The following CDHR3 variants were observed in gnomAD, a reference collection of about 807,000 sequenced individuals.
CDHR3 encodes cadherin related family member 3.
A neutral mutation model predicts 86.6 loss-of-function variants in CDHR3; 79 were observed. That is an observed-to-expected ratio of 0.91 (90% CI 0.76 to 1.10). The LOEUF (loss-of-function observed/expected upper bound fraction) is 1.10, where lower values mean the gene tolerates loss of function less well. Ranked by LOEUF, CDHR3 falls within the 50% of genes least tolerant of loss-of-function variation. CDHR3 has a pLI of 0.00. For missense variants in CDHR3, 1,081 were observed against 1,077.6 expected (o/e 1.00, Z -0.04); for synonymous variants, 421 against 402.4 (o/e 1.05, Z -0.55).
intron 1 of CDHR3, 58 bp from the exon 2 acceptor site, chr7:105,974,786 C>T: frequency 7.0e-7 from 1 of 1,419,982 alleles, no homozygotes; most frequent in Non-Finnish European, 9.9e-7. Flanking sequence ...CTGTTAAGTC[C>T]CTGTTCCCAG....
intron 1 of CDHR3, among the ~76,000 whole-genome samples, chr7:105,968,653 C>A (rs771344413): frequency 6.6e-6 from 1 of 152,030 alleles, no homozygotes; most frequent in African/African-American, 2.4e-5. Flanking sequence ...AGCCACTGTG[C>A]CTGGCCGAGC....
At chr7:106,022,497 A>G (rs370349277) in intron 14 of CDHR3, 49 bp downstream of exon 14, 1 of 1,588,200 alleles carries the variant, frequency 6.3e-7, no homozygotes, top group Non-Finnish European at 8.6e-7. Flanking sequence ...CTTGTGAGTT[A>G]TGTTGATGGA....
At chr7:106,021,577 G>T (rs1836579385) in intron 13 of CDHR3, among the ~76,000 whole-genome samples, 2 of 152,220 alleles carry the variant, frequency 1.3e-5, no homozygotes, top group African/African-American at 4.8e-5. Flanking sequence ...TCTGCCCCAG[G>T]CTCCCTGAGC....
intron 1 of CDHR3, among the ~76,000 whole-genome samples, chr7:105,967,585 T>C (rs1454468843): frequency 6.6e-6 from 1 of 152,214 alleles, no homozygotes; most frequent in African/African-American, 2.4e-5. Flanking sequence ...CGTAAAAGCG[T>C]TCCTATTTCT....
intron 1 of CDHR3, among the ~76,000 whole-genome samples, chr7:105,967,959 A>G (rs1827244947): frequency 6.6e-6 from 1 of 152,160 alleles, no homozygotes; most frequent in South Asian, 2.1e-4. Flanking sequence ...CTTTAGTTTA[A>G]TTAGAACCGA....
intron 1 of CDHR3, among the ~76,000 whole-genome samples, chr7:105,969,814 T>G (rs1827660404): frequency 6.6e-6 from 1 of 152,198 alleles, no homozygotes; most frequent in Admixed American, 6.5e-5. Context: ...TTTTCTGTAA[T>G]AAAACTGTAG....
rs115422559 is a variant in CDHR3, at chr7:105,972,739, G to A, written c.47-2105G>A. ...TATAATATCAAAGTCAATTGTAATA[G>A]ATTTTTAAAAATCTATTCATATTCG... On this transcript the variant is annotated intron_variant, in intron 1 of 18. Transcript: ENST00000317716. Among the ~76,000 whole-genome samples the A allele has an allele frequency of 4.4e-3, 672 of 152,198 alleles. 9 individuals are homozygous for A. The highest frequency in any genetic ancestry group is 0.016 in the African/African-American group (647 of 41,502).
At chr7:105,986,966 C>CTATAA (rs1006284204) in intron 4 of CDHR3, among the ~76,000 whole-genome samples, 3 of 152,174 alleles carry the variant, frequency 2.0e-5, no homozygotes, top group Non-Finnish European at 2.9e-5. Context: ...ATGACAATTA[C>CTATAA]TATAACGTTT....
chr7:105,974,106 G>A (rs1439887874), intron 1 of CDHR3, among the ~76,000 whole-genome samples: 1 of 152,188 alleles, frequency 6.6e-6, no homozygotes, highest in Non-Finnish European at 1.5e-5. Flanking sequence ...GTCTTGTAGT[G>A]TTGTGCACCT....
chr7:105,988,889 T>C (rs544960939), intron 4 of CDHR3, among the ~76,000 whole-genome samples: 1 of 152,346 alleles, frequency 6.6e-6, no homozygotes, highest in South Asian at 2.1e-4. Context: ...CATAAAATGA[T>C]TAATGAGATA....
chr7:106,025,832 A>C (rs1032616260), intron 15 of CDHR3, among the ~76,000 whole-genome samples: 3 of 152,232 alleles, frequency 2.0e-5, no homozygotes, highest in Non-Finnish European at 4.4e-5. Flanking sequence ...CTGAAATTAA[A>C]AAAGGCATTT....
rs544571491 is a variant in CDHR3 at position 105,996,408 on chromosome 7, C to T, written c.713+54C>T. The T allele has an allele frequency of 1.0e-4, 103 of 992,764 alleles. No homozygotes were observed. The East Asian group carries it at 1.7e-3, about 17-fold the overall frequency. 61.5% of individuals were successfully genotyped at this position (992,764 alleles called of 1,614,324 possible). A position where few individuals can be genotyped will look rare whatever the true frequency, so the allele number is the denominator to read the frequency against. ...GGGCCGCAGGTGCGTCCTTCTTAGG[C>T]GGCCTCGTCTCCTCCGGCACATTTA... is the stretch of plus-strand genomic sequence containing the variant. On this transcript the variant is annotated intron_variant, in intron 6 of 18. Transcript: ENST00000317716.
intron 2 of CDHR3, among the ~76,000 whole-genome samples, chr7:105,980,590 T>G (rs1829511949): frequency 1.0e-5 from 1 of 95,926 alleles, no homozygotes; most frequent in African/African-American, 3.8e-5. Flanking sequence ...GGAAGGTTTT[T>G]TTTTTTTTTT....
At chr7:106,025,077 G>A (rs536387988) in intron 15 of CDHR3, among the ~76,000 whole-genome samples, 50 of 152,232 alleles carry the variant, frequency 3.3e-4, no homozygotes, top group Non-Finnish European at 6.3e-4. Context: ...GGTTGTAAAC[G>A]CAGGCCTGTT....
intron 3 of CDHR3, among the ~76,000 whole-genome samples, 179 bp from the exon 4 acceptor site, chr7:105,984,013 A>C (rs529351517): frequency 7.9e-5 from 12 of 152,176 alleles, no homozygotes; most frequent in African/African-American, 1.9e-4. Flanking sequence ...AATTACCCTA[A>C]ATGGATCCAT....
At chr7:106,020,636 C>T in intron 13 of CDHR3, 92 bp downstream of exon 13, 2 of 1,400,912 alleles carry the variant, frequency 1.4e-6, no homozygotes, top group South Asian at 1.4e-5. Context: ...CTGATCTGGG[C>T]AAAGTGGGAT....
intron 11 of CDHR3, 103 bp from the exon 12 acceptor site, chr7:106,017,743 C>T: frequency 1.1e-6 from 1 of 899,624 alleles, no homozygotes; most frequent in African/African-American, 1.7e-5. Flanking sequence ...GCAAGGAGGC[C>T]TCCAGAAGTC....
intron 4 of CDHR3, among the ~76,000 whole-genome samples, chr7:105,988,412 G>A (rs1022456930): frequency 6.6e-6 from 1 of 152,176 alleles, no homozygotes; most frequent in African/African-American, 2.4e-5. Context: ...TGCCTGAAGC[G>A]ACCTAGGCTT....
At position 106,022,270 on chromosome 7, in the gene CDHR3, G is replaced by T; in HGVS notation, c.1898G>T (p.Arg633Leu). 6.2e-7 allele frequency: 1 copy of T among 1,613,898 alleles called. No individual in the cohort carries two copies. Among genetic ancestry groups the T allele is most frequent in the Non-Finnish European group, 8.5e-7 (1 of 1,179,884 alleles). ...GTCACACGCCTGCTGCTTACATCTC[G>T]CTTTGACTATGCTGGTGGGTTTGAT... ...SNVTRLLLTS[R>L]FDYAGGFDKI... The change falls in exon 14 of 19, where the codon CGC becomes CTC. Residue 633 changes from arginine (R) to leucine (L), a missense_variant. Coordinates refer to ENST00000317716, the MANE Select transcript of CDHR3 (RefSeq NM_152750.5).
Sources: allele counts gnomAD v4.1 joint callset (sites outside exome capture counted in the v4.1 genomes callset), GRCh38; gene constraint gnomAD v4.1.1; transcripts MANE v1.5; gene names NCBI Gene and HGNC (gene_info 2026-07-23, HGNC 2026-07-21).